Variants in TBL1XR1 observed in about 807,000 individuals in gnomAD.
TBL1XR1 encodes the protein F-box-like/WD repeat-containing protein TBL1XR1.
Under a neutral mutation model 66.9 loss-of-function variants are expected in TBL1XR1, and 5 were observed. That is an observed-to-expected ratio of 0.07 (90% CI 0.04 to 0.16). The LOEUF is 0.16. Among genes scored for constraint, TBL1XR1 ranks in the 10% least tolerant of loss-of-function variants. The probability of loss-of-function intolerance (pLI) is 1.00; values close to 1 mark genes in which losing one functional copy is unlikely to be tolerated. For synonymous variants in TBL1XR1, 210 were observed against 206.0 expected (o/e 1.02, Z -0.17); for missense variants, 238 against 623.2 (o/e 0.38, Z 6.58).
chr3:177,070,744 G>A (rs546780569), intron 2 of TBL1XR1, among the ~76,000 whole-genome samples: 34 of 152,142 alleles, frequency 2.2e-4, no homozygotes, highest in African/African-American at 7.9e-4. Flanking sequence ...TACTCAGGAC[G>A]CTGAGATGGG....
At position 177,050,957 on chromosome 3, in the gene TBL1XR1, G is replaced by A. The variant is rs141587497; in HGVS notation, c.428-347C>T. 5.2e-3 allele frequency among the ~76,000 whole-genome samples: 796 copies of A among 152,122 alleles called. 12 individuals are homozygous for A. Among genetic ancestry groups the A allele is most frequent in the African/African-American group, 0.019 (770 of 41,472 alleles). ...TGAGTTTCTGCCAGTAGGGGTTGCT[G>A]ATATCATTCATATAACATGAGTTGC... is the stretch of plus-strand genomic sequence containing the variant. On this transcript the variant is annotated intron_variant, in intron 5 of 15. Coordinates refer to ENST00000457928, the MANE Select transcript of TBL1XR1 (RefSeq NM_024665.7).
At chr3:177,029,120 A>G (rs929345481) in intron 14 of TBL1XR1, among the ~76,000 whole-genome samples, 3 of 142,802 alleles carry the variant, frequency 2.1e-5, no homozygotes, top group Non-Finnish European at 3.1e-5. Flanking sequence ...TTAAGCTATG[A>G]AAAAAAAAAA....
At chr3:177,055,301 G>A (rs967078722) in intron 3 of TBL1XR1, among the ~76,000 whole-genome samples, 6 of 152,056 alleles carry the variant, frequency 3.9e-5, no homozygotes, top group African/African-American at 1.4e-4. Context: ...GGAAAATTTG[G>A]TTATTTGATA....
chr3:177,189,937 T>G (rs1735925474), intron 1 of TBL1XR1, among the ~76,000 whole-genome samples: 1 of 151,836 alleles, frequency 6.6e-6, no homozygotes, highest in African/African-American at 2.4e-5. Context: ...GGTACACTAC[T>G]AAGGAAATAA....
chr3:177,099,093 G>A (rs917290012), intron 1 of TBL1XR1, among the ~76,000 whole-genome samples: 4 of 152,028 alleles, frequency 2.6e-5, no homozygotes, highest in South Asian at 2.1e-4. Context: ...GCAGCCAGGC[G>A]CGGTGGCTCA....
chr3:177,139,532 CTCG>C (rs1729385976), intron 1 of TBL1XR1, among the ~76,000 whole-genome samples: 2 of 93,282 alleles, frequency 2.1e-5, no homozygotes, highest in Non-Finnish European at 4.4e-5. Context: ...AAGACTCCAT[CTCG>C]GGGGGAAAAA....
chr3:177,046,176 C>A lies in TBL1XR1; in HGVS notation c.878G>T (p.Trp293Leu). 1.3e-6 allele frequency: 2 copies of A among 1,536,092 alleles called. No homozygotes were observed. The highest frequency in any genetic ancestry group is 2.5e-5 in the East Asian group (1 of 40,654). ...SAGVDKTTII[W>L]DAHTGEAKQQ... ...CTTGGCTTCACCAGTATGTGCGTCC[C>A]AAATAATTGTAGTCTGAGATTAAAA... The change falls in exon 10 of 16, where the codon TGG becomes TTG. Residue 293 changes from tryptophan to leucine, a missense_variant. Physicochemically the swap from Trp to Leu is moderately conservative, Grantham distance 61 (BLOSUM62 -2). Around this residue, in one of 8 missense-constraint regions of TBL1XR1, gnomAD observed 89 missense variants for 220.2 expected, o/e 0.40. Coordinates refer to ENST00000457928, the MANE Select transcript of TBL1XR1 (RefSeq NM_024665.7).
intron 2 of TBL1XR1, among the ~76,000 whole-genome samples, chr3:177,077,616 A>ATATGGTACCACCTT (rs572277050): frequency 3.3e-4 from 51 of 152,300 alleles, no homozygotes; most frequent in African/African-American, 1.1e-3. Flanking sequence ...CTATCTAGCC[A>ATATGGTACCACCTT]TATGGTACCA....
rs527300162 is a variant in TBL1XR1 at position 177,023,003 on chromosome 3, T to C, written c.*2495A>G. 7 of 149,742 alleles carry C rather than the reference T, an allele frequency of 4.7e-5. No individual in the cohort carries two copies. In the South Asian group the frequency reaches 1.3e-3, roughly 27 times the overall value. 9.3% of individuals were successfully genotyped at this position (149,742 alleles called of 1,614,324 possible). ...TCCTATTGTGGCTATTATGCTTAAG[T>C]AAAATAGCTAAAGAAAAAAAAGAAA... is the stretch of plus-strand genomic sequence containing the variant. On this transcript the variant is annotated 3_prime_UTR_variant, in exon 16 of 16. Coordinates refer to ENST00000457928, the MANE Select transcript of TBL1XR1 (RefSeq NM_024665.7).
Position 177,098,631 on chromosome 3 carries a change from ATTCTTT to A in TBL1XR1, c.-121-96_-121-91del, listed in dbSNP as rs1171855444. The A allele has an allele frequency of 2.8e-5, 18 of 648,496 alleles. No individual in the cohort carries two copies. In the East Asian group the frequency reaches 2.5e-3, roughly 89 times the overall value. The allele number at this position is 648,496 out of a possible 1,614,324, so 40.2% of individuals were successfully genotyped here. A position where few individuals can be genotyped will look rare whatever the true frequency, so the allele number is the denominator to read the frequency against. Reference sequence around the variant, plus strand: ...ATACCAAATGTTACATGTTTGAAATATTCTTTAAGGTCCCCACCAGTGAATTTCTTT... The same window carrying A: ...ATACCAAATGTTACATGTTTGAAATAAAGGTCCCCACCAGTGAATTTCTTT... On this transcript the variant is annotated intron_variant, in intron 1 of 15. Coordinates refer to ENST00000457928, the MANE Select transcript of TBL1XR1 (RefSeq NM_024665.7).
At chr3:177,130,415 C>T (rs1455069238) in intron 1 of TBL1XR1, among the ~76,000 whole-genome samples, 1 of 152,180 alleles carries the variant, frequency 6.6e-6, no homozygotes, top group Non-Finnish European at 1.5e-5. Flanking sequence ...CTTCAGATAT[C>T]GATTTGGGAA....
intron 1 of TBL1XR1, among the ~76,000 whole-genome samples, chr3:177,184,736 G>C (rs1052559793): frequency 8.6e-5 from 13 of 152,030 alleles, no homozygotes; most frequent in African/African-American, 3.1e-4. Context: ...TGGAGGCAGA[G>C]GCTGCAGTAA....
chr3:177,051,131 G>C (rs1157484781), intron 5 of TBL1XR1, among the ~76,000 whole-genome samples: 1 of 152,094 alleles, frequency 6.6e-6, no homozygotes, highest in Admixed American at 6.5e-5. Context: ...AGTAAATCTA[G>C]CTTTTTGGAG....
chr3:177,200,006 CTT>C (rs1482890299), upstream of TBL1XR1, among the ~76,000 whole-genome samples: 1 of 151,622 alleles, frequency 6.6e-6, no homozygotes, highest in Non-Finnish European at 1.5e-5. Context: ...GAGTTTCGCT[CTT>C]GTCGCCCAGG....
intron 5 of TBL1XR1, among the ~76,000 whole-genome samples, 183 bp downstream of exon 5, chr3:177,051,321 G>A (rs930819541): frequency 7.9e-5 from 12 of 152,020 alleles, no homozygotes; most frequent in African/African-American, 2.7e-4. Context: ...GGAAGAGGAG[G>A]ATCAGAAAAA....
At chr3:177,128,634 A>G (rs1347203979) in intron 1 of TBL1XR1, among the ~76,000 whole-genome samples, 5 of 152,154 alleles carry the variant, frequency 3.3e-5, no homozygotes, top group Non-Finnish European at 7.4e-5. Flanking sequence ...TCGTCCTCCG[A>G]AAGTGCTGGG....
chr3:177,171,896 C>T (rs1222316065), intron 1 of TBL1XR1, among the ~76,000 whole-genome samples: 1 of 151,980 alleles, frequency 6.6e-6, no homozygotes, highest in Admixed American at 6.6e-5. Flanking sequence ...CACAGGAGGC[C>T]AGCCTGAAAG....
At chr3:177,145,712 G>T (rs1436974981) in intron 1 of TBL1XR1, among the ~76,000 whole-genome samples, 2 of 152,236 alleles carry the variant, frequency 1.3e-5, no homozygotes, top group African/African-American at 4.8e-5. Context: ...ACATTTGTCA[G>T]AAAGAGGAAT....
chr3:177,158,616 C>T (rs1731806865), intron 1 of TBL1XR1, among the ~76,000 whole-genome samples: 1 of 152,128 alleles, frequency 6.6e-6, no homozygotes. Flanking sequence ...ATATTAGACC[C>T]TGAAAATCCT....
Sources: gnomAD v4.1 joint callset for allele counts (sites outside exome capture counted in the v4.1 genomes callset) on GRCh38, gnomAD v4.1.1 for gene constraint, gnomAD v4.1.1 regional missense constraint, MANE v1.5 for transcripts, NCBI Gene and HGNC (gene_info 2026-07-23, HGNC 2026-07-21) for gene names.